Variants in COLEC10 observed in about 807,000 individuals in gnomAD.
The protein encoded by COLEC10 is collectin subfamily member 10, also known as collectin-10.
COLEC10 carries 22 observed loss-of-function variants against 28.4 expected under a neutral mutation model. The observed-to-expected ratio is 0.78, with a 90% CI of 0.55 to 1.11. COLEC10 has a LOEUF of 1.11. Ranked by LOEUF, COLEC10 falls within the 50% of genes least tolerant of loss-of-function variation. COLEC10 has a pLI of 0.00. For synonymous variants in COLEC10, 125 were observed against 116.1 expected (o/e 1.08, Z -0.49); for missense variants, 361 against 344.1 (o/e 1.05, Z -0.39).
At chr8:118,976,239 GT>G in the COLEC10 span, among the ~76,000 whole-genome samples, 1 of 151,918 alleles carries the variant, frequency 6.6e-6, no homozygotes, top group African/African-American at 2.4e-5. Context: ...AATAACACTG[GT>G]TTTGAACATT....
chr8:119,100,185 A>C (rs60082912), intron 3 of COLEC10, among the ~76,000 whole-genome samples: 4,222 of 152,156 alleles, frequency 0.028, 178 homozygotes, highest in African/African-American at 0.096. Context: ...TGGTTAACTC[A>C]CTGGGAAGCA....
chr8:119,040,733 C>G (rs1814479495), intron 2 of COLEC10, among the ~76,000 whole-genome samples: 1 of 152,092 alleles, frequency 6.6e-6, no homozygotes, highest in Non-Finnish European at 1.5e-5. Flanking sequence ...ATAAAGGAAC[C>G]AACAAGAGAC....
rs572792306 is a variant in COLEC10 at position 119,003,103 on chromosome 8, ATATT to A, written n.123-6335_123-6332del. Among the ~76,000 whole-genome samples the A allele has an allele frequency of 2.9e-3, 438 of 152,278 alleles. 1 individual carries two copies. Among genetic ancestry groups the A allele is most frequent in the Non-Finnish European group, 4.9e-3 (331 of 68,004 alleles). On this transcript the variant is annotated intron_variant and non_coding_transcript_variant, in intron 1 of 6. Transcript: ENST00000521788. ...TTTAGGAACAGAAAGGTATGGGTAA[ATATT>A]TAGGAGAAACTCTTTGCATTGCCAA...
At chr8:119,063,706 T>C (rs1814899520), upstream of COLEC10, among the ~76,000 whole-genome samples, 1 of 150,206 alleles carries the variant, frequency 6.7e-6, no homozygotes. Flanking sequence ...TATATATATA[T>C]TTTTTAAGGC....
intron 3 of COLEC10, among the ~76,000 whole-genome samples, chr8:119,095,405 C>G (rs1815692807): frequency 6.6e-6 from 1 of 152,126 alleles, no homozygotes; most frequent in Admixed American, 6.5e-5. Flanking sequence ...CTACCTCAGT[C>G]AAAATCCCAG....
Position 119,050,257 on chromosome 8 carries a change from C to T in COLEC10, n.236-39423C>T, listed in dbSNP as rs185278830. Among the ~76,000 whole-genome samples, 486 of 152,140 alleles carry T rather than the reference C, an allele frequency of 3.2e-3. 1 individual carries two copies. Among genetic ancestry groups the T allele is most frequent in the African/African-American group, 0.011 (449 of 41,510 alleles). On this transcript the variant is annotated intron_variant and non_coding_transcript_variant, in intron 2 of 6. Coordinates refer to the COLEC10 transcript ENST00000521788. Reference sequence around the variant, plus strand: ...AACTTTTAAGAATATCCATAGTAACCAAACAGAAAATAACTGACTTTTCAC... The same window carrying T: ...AACTTTTAAGAATATCCATAGTAACTAAACAGAAAATAACTGACTTTTCAC...
chr8:119,070,471 CTCTCT>C lies in COLEC10; in HGVS notation c.148+3043_148+3047del, dbSNP rs1563734087. On this transcript the variant is annotated intron_variant, in intron 1 of 5. Coordinates refer to ENST00000332843, the MANE Select transcript of COLEC10 (RefSeq NM_006438.5). ...GCTCTCTCTCTCTCTCTCTCTCTCT[CTCTCT>C]CCTTCCCCCTCCTTCCCTCCCTCTC... Among the ~76,000 whole-genome samples, 73 of 134,038 alleles carry C rather than the reference CTCTCT, an allele frequency of 5.4e-4. 1 individual carries two copies. Among genetic ancestry groups the C allele is most frequent in the Non-Finnish European group, 4.3e-4 (27 of 62,170 alleles). 87.9% of individuals were successfully genotyped at this position (134,038 alleles called of 152,430 possible).
chr8:119,009,848 T>TA (rs34539026), intron 2 of COLEC10, among the ~76,000 whole-genome samples: 7 of 143,968 alleles, frequency 4.9e-5, no homozygotes, highest in African/African-American at 8.0e-5. Context: ...CTCTTTTTTT[T>TA]AAAAAAAAAT....
intron 2 of COLEC10, among the ~76,000 whole-genome samples, chr8:119,029,890 G>A (rs1814256975): frequency 6.6e-6 from 1 of 152,156 alleles, no homozygotes; most frequent in Non-Finnish European, 1.5e-5. Context: ...TAAAACCATA[G>A]TTAGCAGCAT....
chr8:119,020,721 T>C (rs1814075808), intron 2 of COLEC10, among the ~76,000 whole-genome samples: 1 of 152,186 alleles, frequency 6.6e-6, no homozygotes. Flanking sequence ...TTATTATAAG[T>C]CTCTTGAAAT....
At chr8:118,995,713 G>T (rs1002235198) in intron 1 of COLEC10, 2 of 152,116 alleles carry the variant, frequency 1.3e-5, no homozygotes, top group African/African-American at 4.8e-5. Flanking sequence ...CACAAGGTAT[G>T]AATCCTAGAT....
chr8:118,998,353 A>G (rs936150258), intron 1 of COLEC10, among the ~76,000 whole-genome samples: 5 of 152,120 alleles, frequency 3.3e-5, no homozygotes, highest in South Asian at 2.1e-4. Context: ...CTTTTCTTCA[A>G]TTGGCTCTAT....
At chr8:119,041,439 A>T (rs548278001) in intron 2 of COLEC10, among the ~76,000 whole-genome samples, 1 of 152,346 alleles carries the variant, frequency 6.6e-6, no homozygotes, top group East Asian at 1.9e-4. Context: ...AGATATAGAC[A>T]AAAAGTACTA....
intron 2 of COLEC10, among the ~76,000 whole-genome samples, chr8:119,034,637 A>G (rs1442967845): frequency 2.0e-5 from 3 of 152,164 alleles, no homozygotes; most frequent in Non-Finnish European, 4.4e-5. Flanking sequence ...TGAACCCAGG[A>G]GGCGGAGGTT....
the COLEC10 span, among the ~76,000 whole-genome samples, chr8:118,966,943 G>A: frequency 6.6e-5 from 10 of 151,984 alleles, no homozygotes; most frequent in Non-Finnish European, 1.2e-4. Context: ...CTTTCCTCCT[G>A]GACTAGATTC....
chr8:119,040,059 C>T (rs1455001365), intron 2 of COLEC10, among the ~76,000 whole-genome samples: 2 of 152,146 alleles, frequency 1.3e-5, no homozygotes, highest in African/African-American at 4.8e-5. Flanking sequence ...TTACTCACAT[C>T]TGTATCTGTA....
At chr8:119,087,246 C>T (rs1486899687) in intron 1 of COLEC10, among the ~76,000 whole-genome samples, 1 of 152,146 alleles carries the variant, frequency 6.6e-6, no homozygotes, top group Non-Finnish European at 1.5e-5. Context: ...GAAAAAATCA[C>T]TTATGATCCC....
At chr8:118,977,650 A>G in the COLEC10 span, among the ~76,000 whole-genome samples, 1 of 148,488 alleles carries the variant, frequency 6.7e-6, no homozygotes, top group African/African-American at 2.5e-5. Flanking sequence ...ACCTAATGCT[A>G]GATGACGAGT....
chr8:119,011,770 A>G (rs1437570120), intron 2 of COLEC10, among the ~76,000 whole-genome samples: 1 of 150,848 alleles, frequency 6.6e-6, no homozygotes, highest in Non-Finnish European at 1.5e-5. Context: ...TTGCTGGCAT[A>G]TAGAAAACTG....
Sources: allele counts gnomAD v4.1 joint callset (sites outside exome capture counted in the v4.1 genomes callset), GRCh38; gene constraint gnomAD v4.1.1; transcripts MANE v1.5; gene names NCBI Gene and HGNC (gene_info 2026-07-23, HGNC 2026-07-21).